The following MAF variants were observed in gnomAD, a reference collection of about 807,000 sequenced individuals.
The protein encoded by MAF is transcription factor Maf.
MAF carries 10 observed loss-of-function variants against 22.0 expected under a neutral mutation model. The observed-to-expected ratio is 0.45, with a 90% CI of 0.28 to 0.77. MAF has a LOEUF of 0.77. MAF is among the 30% of genes least tolerant of loss of function. The probability of loss-of-function intolerance (pLI) is 0.12; values close to 1 mark genes in which losing one functional copy is unlikely to be tolerated. For synonymous variants in MAF, 337 were observed against 255.8 expected (o/e 1.32, Z -3.03); for missense variants, 544 against 548.4 (o/e 0.99, Z 0.08).
the MAF span, among the ~76,000 whole-genome samples, chr16:79,294,112 A>G: frequency 1.1e-3 from 164 of 152,258 alleles, 2 homozygotes; most frequent in East Asian, 0.015. Context: ...GAGTGTTCTG[A>G]GGTAATTCTG....
the MAF span, among the ~76,000 whole-genome samples, chr16:79,420,841 C>G: frequency 2.0e-5 from 3 of 152,252 alleles, no homozygotes; most frequent in African/African-American, 7.2e-5. Context: ...ACCAGCCTGT[C>G]CAACGTGGAG....
chr16:79,533,054 C>T, the MAF span, among the ~76,000 whole-genome samples: 5 of 152,154 alleles, frequency 3.3e-5, no homozygotes, highest in Non-Finnish European at 5.9e-5. Context: ...GAATGCCCTT[C>T]GGGGTAACTT....
the MAF span, among the ~76,000 whole-genome samples, chr16:79,450,219 G>C: frequency 6.6e-6 from 1 of 152,164 alleles, no homozygotes. Context: ...CATTCTCATA[G>C]ACTTACCTTT....
the MAF span, among the ~76,000 whole-genome samples, chr16:79,474,558 G>C: frequency 6.6e-6 from 1 of 152,218 alleles, no homozygotes; most frequent in Non-Finnish European, 1.5e-5. Context: ...AGGCTGATAA[G>C]GTTGGGCTAG....
chr16:79,582,978 TC>T (rs1912615679), downstream of MAF, among the ~76,000 whole-genome samples: 1 of 152,188 alleles, frequency 6.6e-6, no homozygotes. Flanking sequence ...TTTTCACATG[TC>T]TTTTGTATGG....
At chr16:79,585,876 G>C (rs1382722119) in exon 2 of MAF, 3 of 660,954 alleles carry the variant, frequency 4.5e-6, no homozygotes, top group East Asian at 2.8e-5. Context: ...AAATCAAGAT[G>C]TACCTCTTTG....
the MAF span, among the ~76,000 whole-genome samples, chr16:79,310,355 G>A: frequency 2.6e-5 from 4 of 152,032 alleles, no homozygotes; most frequent in Non-Finnish European, 4.4e-5. Flanking sequence ...TGGCTGTTTC[G>A]GACGAGAGAG....
the MAF span, among the ~76,000 whole-genome samples, chr16:79,319,814 A>G: frequency 2.0e-5 from 3 of 152,190 alleles, no homozygotes; most frequent in South Asian, 6.2e-4. Context: ...AGAAACAATG[A>G]CCACATAGAG....
At chr16:79,597,855 T>C (rs180693486) in intron 1 of MAF, 4 of 1,030,548 alleles carry the variant, frequency 3.9e-6, no homozygotes, top group East Asian at 6.2e-5. Context: ...GAAACAGTTA[T>C]AGTTCATTGT....
chr16:79,244,956 A>G, the MAF span, among the ~76,000 whole-genome samples: 1 of 152,062 alleles, frequency 6.6e-6, no homozygotes, highest in African/African-American at 2.4e-5. Context: ...GGCAAAAACA[A>G]TCAATGGGGA....
chr16:79,285,947 G>A, the MAF span, among the ~76,000 whole-genome samples: 7 of 152,244 alleles, frequency 4.6e-5, no homozygotes, highest in East Asian at 3.9e-4. Context: ...CCATATTTAG[G>A]GACGATGACT....
chr16:79,579,506 T>A, the MAF span, among the ~76,000 whole-genome samples: 1 of 152,118 alleles, frequency 6.6e-6, no homozygotes, highest in South Asian at 2.1e-4. Context: ...AGTTTACCGA[T>A]ACCAAACTTT....
chr16:79,244,350 T>C, the MAF span, among the ~76,000 whole-genome samples: 1 of 152,066 alleles, frequency 6.6e-6, no homozygotes, highest in Non-Finnish European at 1.5e-5. Context: ...CTTAAGCAGA[T>C]AAGCAACTTC....
the MAF span, among the ~76,000 whole-genome samples, chr16:79,528,579 C>T: frequency 2.9e-4 from 44 of 151,510 alleles, no homozygotes; most frequent in South Asian, 8.3e-4. Flanking sequence ...GTGAATGTCA[C>T]AACCATATCT....
the MAF span, among the ~76,000 whole-genome samples, chr16:79,495,072 A>C: frequency 6.6e-6 from 1 of 152,170 alleles, no homozygotes; most frequent in Admixed American, 6.5e-5. Flanking sequence ...GTGTTCACCA[A>C]CCTAGAAGTT....
At chr16:79,224,728 G>A in the MAF span, among the ~76,000 whole-genome samples, 3 of 152,074 alleles carry the variant, frequency 2.0e-5, no homozygotes, top group African/African-American at 7.2e-5. Context: ...AGACAAACAA[G>A]AGAGCAAAAT....
intron 1 of MAF, chr16:79,597,960 A>G: frequency 9.6e-7 from 1 of 1,045,182 alleles, no homozygotes; most frequent in Non-Finnish European, 1.2e-6. Flanking sequence ...CACAAGGCCA[A>G]AACTCACAAG....
chr16:79,344,961 C>A, the MAF span, among the ~76,000 whole-genome samples: 1 of 152,224 alleles, frequency 6.6e-6, no homozygotes, highest in Admixed American at 6.5e-5. Context: ...TATTCTCCAC[C>A]ACTCCCAGGC....
the MAF span, among the ~76,000 whole-genome samples, chr16:79,522,331 A>G: frequency 6.6e-6 from 1 of 152,018 alleles, no homozygotes; most frequent in Non-Finnish European, 1.5e-5. Flanking sequence ...TTCCTCAGTG[A>G]CTCCATGACA....
Sources: gnomAD v4.1 joint callset for allele counts (sites outside exome capture counted in the v4.1 genomes callset) on GRCh38, gnomAD v4.1.1 for gene constraint, MANE v1.5 for transcripts, NCBI Gene and HGNC (gene_info 2026-07-23, HGNC 2026-07-21) for gene names.